PCDHA3: variants seen among roughly 807,000 people sequenced by gnomAD.
PCDHA3 encodes protocadherin alpha-3.
PCDHA3 carries 41 observed loss-of-function variants against 62.2 expected under a neutral mutation model. That is an observed-to-expected ratio of 0.66 (90% confidence interval 0.51 to 0.86). PCDHA3 has a LOEUF of 0.86. Among genes scored for constraint, PCDHA3 ranks in the 40% least tolerant of loss-of-function variants. The pLI, the probability that PCDHA3 is intolerant of heterozygous loss-of-function variation, is 0.00. For missense variants in PCDHA3, 1,304 were observed against 1,241.2 expected (o/e 1.05, Z -0.76); for synonymous variants, 640 against 555.4 (o/e 1.15, Z -2.14).
intron 1 of PCDHA3, chr5:140,861,390 C>G (rs970688451): frequency 2.0e-5 from 9 of 450,942 alleles, no homozygotes; most frequent in Admixed American, 6.9e-5. Flanking sequence ...GGACCTGGGT[C>G]TGGAGCTTGT....
intron 1 of PCDHA3, chr5:140,813,574 G>A (rs1765337432): frequency 6.6e-6 from 1 of 152,206 alleles, no homozygotes; most frequent in Non-Finnish European, 1.5e-5. Context: ...AGACTGCGGG[G>A]CTGGAAATTT....
At chr5:140,878,002 C>T in intron 1 of PCDHA3, 1 of 1,005,678 alleles carries the variant, frequency 9.9e-7, no homozygotes. Flanking sequence ...ATGTATTTGT[C>T]TAACATTAAT....
intron 1 of PCDHA3, chr5:140,811,587 A>C (rs1764911174): frequency 6.6e-6 from 1 of 152,186 alleles, no homozygotes; most frequent in South Asian, 2.1e-4. Flanking sequence ...TGTCTTCCAC[A>C]ATGGTTGAAC....
chr5:140,927,508 C>T lies in PCDHA3; in HGVS notation c.2395-51441C>T, dbSNP rs551245842. On this transcript the variant is annotated intron_variant, in intron 1 of 3. Coordinates refer to ENST00000522353, the MANE Select transcript of PCDHA3 (RefSeq NM_018906.3). The stretch of plus-strand genomic sequence containing the variant: ...CACCCACCTGCTGGTGCTTACAGCT[C>T]GGGACGGCGGGCTACCTGCCCGCTC... The T allele has an allele frequency of 9.9e-6, 16 of 1,614,074 alleles. No individual in the cohort carries two copies. In the South Asian group the frequency reaches 1.4e-4, roughly 14 times the overall value.
At chr5:140,940,731 G>T (rs1195223562) in intron 1 of PCDHA3, among the ~76,000 whole-genome samples, 2 of 152,162 alleles carry the variant, frequency 1.3e-5, no homozygotes, top group Admixed American at 1.3e-4. Flanking sequence ...CAGCTGGACA[G>T]CTCCATATTT....
intron 1 of PCDHA3, among the ~76,000 whole-genome samples, chr5:140,919,795 A>T (rs1554199259): frequency 6.6e-6 from 1 of 152,070 alleles, no homozygotes; most frequent in Non-Finnish European, 1.5e-5. Flanking sequence ...CTTGTGGTGG[A>T]TTGAATTGTG....
At chr5:140,875,367 T>A (rs937879067) in intron 1 of PCDHA3, 1 of 1,449,166 alleles carries the variant, frequency 6.9e-7, no homozygotes, top group Non-Finnish European at 9.1e-7. Context: ...CTGGAAAAAA[T>A]TTACTAAATA....
chr5:140,841,385 G>A, intron 1 of PCDHA3: 1 of 1,613,440 alleles, frequency 6.2e-7, no homozygotes, highest in Non-Finnish European at 8.5e-7. Flanking sequence ...TCTGCTCCTC[G>A]CAGCCTGGAA....
At chr5:140,871,306 AAGCCCAC>A in intron 1 of PCDHA3, 1 of 1,613,964 alleles carries the variant, frequency 6.2e-7, no homozygotes, top group East Asian at 2.2e-5. Flanking sequence ...CGCGCCGGGG[AAGCCCAC>A]GCTGGTGTGC....
chr5:140,803,389 A>G lies in PCDHA3; in HGVS notation c.2192A>G (p.Asp731Gly). 6.2e-7 allele frequency: 1 copy of G among 1,614,230 alleles called. No homozygotes were observed. The highest frequency in any genetic ancestry group is 8.5e-7 in the Non-Finnish European group (1 of 1,180,046). ...TGCTCCGCGCCGCCAACCGAAGGCGACTGTGGGCCGGGCAAGCCCACGCTG... is the reference window on the plus strand; with the variant it reads ...TGCTCCGCGCCGCCAACCGAAGGCGGCTGTGGGCCGGGCAAGCCCACGCTG... ...LRCSAPPTEG[D>G]CGPGKPTLVC... Residue 731 changes from aspartate to glycine, a missense_variant, in exon 1 of 4, where the codon GAC becomes GGC. Transcript: ENST00000522353.
In PCDHA3 at chr5:140,851,131, G is replaced by T. The variant is rs2041968794; in HGVS notation, c.2394+47540G>T. The T allele has an allele frequency of 4.6e-6, 6 of 1,310,148 alleles. No individual in the cohort carries two copies. In the East Asian group the frequency reaches 1.6e-4, roughly 35 times the overall value. The allele number at this position is 1,310,148 out of a possible 1,614,324, so 81.2% of individuals were successfully genotyped here. ...CTGAATCAATTTTATTTAAATTTGT[G>T]ATTAAAGTGACATTGAATTTCTGAT... On this transcript the variant is annotated intron_variant, in intron 1 of 3. Coordinates refer to ENST00000522353, the MANE Select transcript of PCDHA3 (RefSeq NM_018906.3).
In PCDHA3 at chr5:140,830,646, T is replaced by C. The variant is rs1199441210; in HGVS notation, c.2394+27055T>C. 6.5e-6 allele frequency: 3 copies of C among 458,330 alleles called. No homozygotes were observed. In the Admixed American group the frequency reaches 1.3e-4, roughly 20 times the overall value. The allele number at this position is 458,330 out of a possible 1,614,324, so 28.4% of individuals were successfully genotyped here. On this transcript the variant is annotated intron_variant, in intron 1 of 3. Transcript: ENST00000522353. ...TCTTATTTTAATCTCTTTGCTTCTT[T>C]AATATTCATAATTTAAGTGAAATTA...
chr5:140,878,273 G>T (rs2057527007), intron 1 of PCDHA3, among the ~76,000 whole-genome samples: 1 of 152,096 alleles, frequency 6.6e-6, no homozygotes, highest in Non-Finnish European at 1.5e-5. Flanking sequence ...TTTTAAAATA[G>T]CCTTCTTGAT....
Position 140,856,421 on chromosome 5 carries a change from A to T in PCDHA3, c.2394+52830A>T, listed in dbSNP as rs1554148675. 3.8e-6 allele frequency: 6 copies of T among 1,598,490 alleles called. No individual in the cohort carries two copies. In the South Asian group the frequency reaches 6.6e-5, roughly 18 times the overall value. On this transcript the variant is annotated intron_variant, in intron 1 of 3. Coordinates refer to ENST00000522353, the MANE Select transcript of PCDHA3 (RefSeq NM_018906.3). ...CCATGTGGACGTGGAAGTGAAGGACATTAACGACAACCCGCCCAGGTTCTC... is the reference window on the plus strand; with the variant it reads ...CCATGTGGACGTGGAAGTGAAGGACTTTAACGACAACCCGCCCAGGTTCTC...
Position 140,892,397 on chromosome 5 carries a change from T to C in PCDHA3, c.2395-86552T>C, listed in dbSNP as rs554853881. On this transcript the variant is annotated intron_variant, in intron 1 of 3. Coordinates refer to ENST00000522353, the MANE Select transcript of PCDHA3 (RefSeq NM_018906.3). ...GCAATCATGGGTAATCTTAATCTAT[T>C]TCAAGCTTCAGGTATTCTAGATAAA... is the stretch of plus-strand genomic sequence containing the variant. Among the ~76,000 whole-genome samples the C allele has an allele frequency of 2.0e-5, 3 of 152,326 alleles. No homozygotes were observed. The South Asian group carries it at 6.2e-4, about 32-fold the overall frequency.
At chr5:140,947,147 C>A (rs1025959771) in intron 1 of PCDHA3, among the ~76,000 whole-genome samples, 1 of 151,270 alleles carries the variant, frequency 6.6e-6, no homozygotes, top group African/African-American at 2.4e-5. Flanking sequence ...TGTATAGTTA[C>A]TTCCACGGGG....
In PCDHA3 at chr5:140,870,852, G is replaced by T. The variant is rs782301779; in HGVS notation, c.2394+67261G>T. 6 of 1,613,862 alleles carry T rather than the reference G, an allele frequency of 3.7e-6. 1 individual carries two copies. The South Asian group carries it at 6.6e-5, about 18-fold the overall frequency. On this transcript the variant is annotated intron_variant, in intron 1 of 3. Coordinates refer to ENST00000522353, the MANE Select transcript of PCDHA3 (RefSeq NM_018906.3). ...CAGTTAACAAGCTAGTACCGCGGTC[G>T]GTGGGTGCGGGCCACGTGGTGGCGA...
chr5:140,997,668 T>TTGTGTGTGTGTGTGTG (rs35184029), intron 3 of PCDHA3, among the ~76,000 whole-genome samples: 13 of 148,244 alleles, frequency 8.8e-5, no homozygotes, highest in African/African-American at 2.2e-4. Flanking sequence ...ATTATACAGC[T>TTGTGTGTGTGTGTGTG]TGTGTGTGTG....
intron 1 of PCDHA3, among the ~76,000 whole-genome samples, chr5:140,879,020 TATTG>T (rs1366518511): frequency 6.6e-6 from 1 of 152,230 alleles, no homozygotes; most frequent in African/African-American, 2.4e-5. Context: ...GATAATGTTT[TATTG>T]AAGAGTGTCT....
Sources: gnomAD v4.1 joint callset for allele counts (sites outside exome capture counted in the v4.1 genomes callset) on GRCh38, gnomAD v4.1.1 for gene constraint, MANE v1.5 for transcripts, NCBI Gene and HGNC (gene_info 2026-07-23, HGNC 2026-07-21) for gene names.